Variants in MDGA2 observed in about 807,000 individuals in gnomAD.
The protein encoded by MDGA2 is MAM domain containing glycosylphosphatidylinositol anchor 2.
A neutral mutation model predicts 117.8 loss-of-function variants in MDGA2; 40 were observed. The observed-to-expected ratio is 0.34, with a 90% CI of 0.26 to 0.44. The LOEUF (loss-of-function observed/expected upper bound fraction) is 0.44, where lower values mean the gene tolerates loss of function less well. Ranked by LOEUF, MDGA2 falls within the 20% of genes least tolerant of loss-of-function variation. MDGA2 has a pLI of 1.00. For synonymous variants in MDGA2, 452 were observed against 439.0 expected, an observed-to-expected ratio of 1.03 and a Z score of -0.37; for missense variants, 1,123 against 1,250.6, an observed-to-expected ratio of 0.90 and a Z score of 1.54.
intron 1 of MDGA2, among the ~76,000 whole-genome samples, chr14:47,464,751 C>T (rs759371510): frequency 6.6e-6 from 1 of 152,068 alleles, no homozygotes; most frequent in Non-Finnish European, 1.5e-5. Flanking sequence ...GGCTATACTG[C>T]CCAAAGAAAT....
At chr14:46,946,251 A>G (rs959894119) in intron 9 of MDGA2, among the ~76,000 whole-genome samples, 1 of 152,018 alleles carries the variant, frequency 6.6e-6, no homozygotes, top group African/African-American at 2.4e-5. Context: ...CAGATATTGG[A>G]GGGGAGATTG....
intron 10 of MDGA2, 140 bp downstream of exon 10, chr14:46,919,872 A>G: frequency 3.0e-6 from 2 of 658,746 alleles, no homozygotes; most frequent in Non-Finnish European, 4.6e-6. Flanking sequence ...GTGAAAACAT[A>G]TCTATCTGTC....
intron 9 of MDGA2, among the ~76,000 whole-genome samples, chr14:46,940,460 C>T (rs954106828): frequency 6.6e-6 from 1 of 151,750 alleles, no homozygotes; most frequent in African/African-American, 2.4e-5. Flanking sequence ...GAAACCTGGT[C>T]TCTACAAAAA....
chr14:47,449,660 C>T (rs1437621166), intron 1 of MDGA2, among the ~76,000 whole-genome samples: 1 of 151,806 alleles, frequency 6.6e-6, no homozygotes, highest in Non-Finnish European at 1.5e-5. Context: ...AACTAGATAG[C>T]CAAAAAATAA....
intron 1 of MDGA2, among the ~76,000 whole-genome samples, chr14:47,547,252 G>A (rs746764481): frequency 6.6e-6 from 1 of 152,118 alleles, no homozygotes; most frequent in Non-Finnish European, 1.5e-5. Flanking sequence ...GAGGGCCAGG[G>A]CAACAATAAA....
intron 2 of MDGA2, among the ~76,000 whole-genome samples, chr14:47,275,041 T>G (rs1380649652): frequency 1.3e-5 from 2 of 152,204 alleles, no homozygotes; most frequent in African/African-American, 4.8e-5. Context: ...TGGTCCCATT[T>G]GCAGCACAAG....
At chr14:47,511,128 T>A (rs1182685290) in intron 1 of MDGA2, among the ~76,000 whole-genome samples, 1 of 152,230 alleles carries the variant, frequency 6.6e-6, no homozygotes, top group Admixed American at 6.5e-5. Context: ...CATTCATTAG[T>A]GTTCCTTCAG....
At chr14:46,909,563 C>G (rs1883621474) in intron 10 of MDGA2, among the ~76,000 whole-genome samples, 1 of 152,040 alleles carries the variant, frequency 6.6e-6, no homozygotes, top group African/African-American at 2.4e-5. Context: ...CATAGAAGCA[C>G]TTAACTGAGT....
At chr14:46,857,432 T>A (rs1240895214) in intron 14 of MDGA2, among the ~76,000 whole-genome samples, 1 of 152,168 alleles carries the variant, frequency 6.6e-6, no homozygotes, top group Non-Finnish European at 1.5e-5. Flanking sequence ...ATCTTCTGCA[T>A]GCTATTTCTA....
intron 1 of MDGA2, among the ~76,000 whole-genome samples, chr14:47,395,195 G>T (rs970814521): frequency 1.3e-5 from 1 of 78,214 alleles, no homozygotes; most frequent in Non-Finnish European, 2.5e-5. Context: ...GATACGCTTA[G>T]ATTTTCAAAT....
intron 10 of MDGA2, among the ~76,000 whole-genome samples, chr14:46,918,275 T>C (rs891518553): frequency 4.4e-5 from 6 of 137,458 alleles, no homozygotes; most frequent in Admixed American, 1.4e-4. Context: ...TTACAAAGCA[T>C]GTATAACAAA....
chr14:47,457,715 A>T (rs541448286), intron 1 of MDGA2, among the ~76,000 whole-genome samples: 1 of 151,900 alleles, frequency 6.6e-6, no homozygotes, highest in Non-Finnish European at 1.5e-5. Flanking sequence ...TTCCTTTTTT[A>T]AAAAAATCTT....
intron 7 of MDGA2, among the ~76,000 whole-genome samples, chr14:47,060,293 G>A (rs757502634): frequency 2.0e-5 from 3 of 151,940 alleles, no homozygotes; most frequent in Non-Finnish European, 4.4e-5. Context: ...TATTCTTAAG[G>A]AGTAAAATCA....
chr14:47,665,862 C>T (rs577035358), intron 1 of MDGA2, among the ~76,000 whole-genome samples: 128 of 144,694 alleles, frequency 8.8e-4, no homozygotes, highest in African/African-American at 3.2e-3. Context: ...TGGACTCCTG[C>T]GTTGCCTCAG....
Position 46,841,627 on chromosome 14 carries a change from A to AT in MDGA2, c.*303dup, listed in dbSNP as rs34567649. ...TAGCTCTTTTTTTTTTCTTTTTTTC[A>AT]TTTTTTTTTTTTTTTCCAGAGTTCA... is the stretch of plus-strand genomic sequence containing the variant. On this transcript the variant is annotated 3_prime_UTR_variant, in exon 17 of 17. Transcript: ENST00000399232. The AT allele has an allele frequency of 0.4, 52,411 of 130,054 alleles. 11,006 individuals are homozygous for AT. Among genetic ancestry groups the AT allele is most frequent in the Non-Finnish European group, 0.48 (30,649 of 63,868 alleles). 8.1% of individuals were successfully genotyped at this position (130,054 alleles called of 1,614,324 possible). A position where few individuals can be genotyped will look rare whatever the true frequency, so the allele number is the denominator to read the frequency against.
intron 5 of MDGA2, among the ~76,000 whole-genome samples, chr14:47,130,972 C>G (rs1882174962): frequency 6.6e-6 from 1 of 151,952 alleles, no homozygotes; most frequent in Non-Finnish European, 1.5e-5. Context: ...ACATATGTAA[C>G]AAACCTGCAC....
chr14:47,200,721 G>A, intron 3 of MDGA2: 1 of 916,844 alleles, frequency 1.1e-6, no homozygotes, highest in Admixed American at 2.0e-5. Context: ...TTCTCCTGCA[G>A]GGTGGCTGTC....
intron 3 of MDGA2, among the ~76,000 whole-genome samples, chr14:47,187,301 A>C (rs1212372424): frequency 6.6e-6 from 1 of 152,070 alleles, no homozygotes; most frequent in African/African-American, 2.4e-5. Flanking sequence ...TGGAATTAGT[A>C]ATTTAAAAGT....
intron 1 of MDGA2, among the ~76,000 whole-genome samples, chr14:47,353,492 T>C (rs1173680805): frequency 1.3e-5 from 2 of 152,222 alleles, no homozygotes; most frequent in Non-Finnish European, 2.9e-5. Context: ...GTTGAAGTCC[T>C]AATCCTAGTT....
Sources: allele counts gnomAD v4.1 joint callset (sites outside exome capture counted in the v4.1 genomes callset), GRCh38; gene constraint gnomAD v4.1.1; transcripts MANE v1.5; gene names NCBI Gene and HGNC (gene_info 2026-07-23, HGNC 2026-07-21).